The following TOP6BL variants were observed in gnomAD, a reference collection of about 807,000 sequenced individuals.
TOP6BL encodes TOP6B like initiator of meiotic double strand breaks, also known as type 2 DNA topoisomerase 6 subunit B-like.
chr11:66,781,094 A>T, the TOP6BL span, among the ~76,000 whole-genome samples: 1 of 151,928 alleles, frequency 6.6e-6, no homozygotes, highest in Non-Finnish European at 1.5e-5. Flanking sequence ...TTTTCATGAA[A>T]TTTTAGGGAA....
chr11:66,794,839 C>G, the TOP6BL span, among the ~76,000 whole-genome samples: 2 of 152,062 alleles, frequency 1.3e-5, no homozygotes, highest in African/African-American at 4.8e-5. Flanking sequence ...TTAAAAAAAT[C>G]TACAAAGAAG....
chr11:66,802,964 A>C, the TOP6BL span, among the ~76,000 whole-genome samples: 15 of 152,222 alleles, frequency 9.9e-5, no homozygotes, highest in African/African-American at 1.7e-4. Flanking sequence ...TCTATTAATT[A>C]ATTCATTCAT....
the TOP6BL span, among the ~76,000 whole-genome samples, chr11:66,799,651 G>C: frequency 6.6e-6 from 1 of 151,824 alleles, no homozygotes; most frequent in African/African-American, 2.4e-5. Flanking sequence ...GGCGGAGGTT[G>C]CAGTGAGCCG....
the TOP6BL span, among the ~76,000 whole-genome samples, chr11:66,833,040 CTTTTT>C: frequency 2.5e-3 from 292 of 117,228 alleles, no homozygotes; most frequent in Middle Eastern, 0.012. Flanking sequence ...ATCTTTCTGC[CTTTTT>C]TTTTTTTTTT....
chr11:66,785,849 A>G, the TOP6BL span, among the ~76,000 whole-genome samples: 2 of 152,186 alleles, frequency 1.3e-5, no homozygotes, highest in Admixed American at 6.5e-5. Flanking sequence ...TGAGTGTTAC[A>G]GTATTAGCTC....
the TOP6BL span, among the ~76,000 whole-genome samples, chr11:66,768,663 T>G: frequency 6.6e-6 from 1 of 151,288 alleles, no homozygotes; most frequent in Admixed American, 6.6e-5. Context: ...AGATTTTTGT[T>G]TTTTGTTTTT....
the TOP6BL span, among the ~76,000 whole-genome samples, chr11:66,812,426 T>G: frequency 1.3e-5 from 2 of 152,150 alleles, no homozygotes; most frequent in Non-Finnish European, 2.9e-5. Context: ...TCCGCCCACC[T>G]CAGCCTCCCA....
the TOP6BL span, among the ~76,000 whole-genome samples, chr11:66,842,288 C>T: frequency 6.6e-6 from 1 of 152,226 alleles, no homozygotes; most frequent in Non-Finnish European, 1.5e-5. Flanking sequence ...TCTATTCTAA[C>T]CCTGGGCTTT....
the TOP6BL span, chr11:66,748,570 G>T: frequency 1.9e-5 from 26 of 1,346,380 alleles, no homozygotes; most frequent in African/African-American, 4.5e-5. Context: ...GGTTTATGTC[G>T]TAGCTTATTT....
the TOP6BL span, among the ~76,000 whole-genome samples, chr11:66,746,075 T>C: frequency 6.6e-6 from 1 of 152,008 alleles, no homozygotes; most frequent in Admixed American, 6.6e-5. Flanking sequence ...CCTCCCAAAG[T>C]GCTGGGACCG....
the TOP6BL span, among the ~76,000 whole-genome samples, chr11:66,775,317 A>G: frequency 2.0e-5 from 3 of 152,182 alleles, no homozygotes; most frequent in East Asian, 5.8e-4. Flanking sequence ...GATAGGCACT[A>G]TAAGGGAGAA....
At chr11:66,802,319 A>C in the TOP6BL span, among the ~76,000 whole-genome samples, 1 of 151,870 alleles carries the variant, frequency 6.6e-6, no homozygotes, top group Non-Finnish European at 1.5e-5. Context: ...CGCCCAGCTA[A>C]TTTTTTTGTA....
At chr11:66,806,477 A>G in the TOP6BL span, among the ~76,000 whole-genome samples, 1 of 152,168 alleles carries the variant, frequency 6.6e-6, no homozygotes, top group Non-Finnish European at 1.5e-5. Context: ...ATTATAAACA[A>G]TGAGAACAGG....
the TOP6BL span, chr11:66,804,193 AT>A: frequency 6.3e-7 from 1 of 1,595,730 alleles, no homozygotes; most frequent in East Asian, 2.2e-5. Context: ...CAGTTTCCAT[AT>A]CCTTTTGATG....
At chr11:66,842,703 C>T in the TOP6BL span, 2 of 787,552 alleles carry the variant, frequency 2.5e-6, no homozygotes, top group South Asian at 2.0e-5. Flanking sequence ...CCCACAGCTG[C>T]AGGGTTTTGG....
chr11:66,746,282 G>C, the TOP6BL span, among the ~76,000 whole-genome samples: 1 of 152,088 alleles, frequency 6.6e-6, no homozygotes, highest in Non-Finnish European at 1.5e-5. Flanking sequence ...GTGAGAATCT[G>C]TTTGCATGAA....
the TOP6BL span, among the ~76,000 whole-genome samples, chr11:66,841,713 G>A: frequency 5.3e-5 from 8 of 152,176 alleles, no homozygotes; most frequent in African/African-American, 4.8e-5. Context: ...CCAGTTACTC[G>A]AGAGGATGAG....
the TOP6BL span, among the ~76,000 whole-genome samples, chr11:66,832,254 T>G: frequency 6.6e-6 from 1 of 151,798 alleles, no homozygotes; most frequent in African/African-American, 2.4e-5. Flanking sequence ...CCTGCCACCA[T>G]GCCCGACTAA....
At chr11:66,766,458 CTATT>C in the TOP6BL span, among the ~76,000 whole-genome samples, 14 of 152,168 alleles carry the variant, frequency 9.2e-5, no homozygotes, top group Non-Finnish European at 1.9e-4. Context: ...TGGTCCCTAA[CTATT>C]TATACTTTTA....
Sources: gnomAD v4.1 joint callset for allele counts (sites outside exome capture counted in the v4.1 genomes callset) on GRCh38, gnomAD v4.1.1 for gene constraint, MANE v1.5 for transcripts, NCBI Gene and HGNC (gene_info 2026-07-23, HGNC 2026-07-21) for gene names.